Variants in PRICKLE1 observed in about 807,000 individuals in gnomAD.
PRICKLE1 encodes the protein prickle-like protein 1.
In PRICKLE1, 14 loss-of-function variants were observed where a neutral mutation model predicts 70.2. That is an observed-to-expected ratio of 0.20 (90% CI 0.13 to 0.31). The LOEUF is 0.31. Ranked by LOEUF, PRICKLE1 falls within the 10% of genes least tolerant of loss-of-function variation. PRICKLE1 has a pLI of 1.00. For missense variants in PRICKLE1, 821 were observed against 1,026.2 expected (o/e 0.80, Z 2.73); for synonymous variants, 357 against 379.9 (o/e 0.94, Z 0.70).
At position 42,553,241 on chromosome 12, in the gene PRICKLE1, G is replaced by A. The variant is rs11181551; in HGVS notation, c.-49+36224C>T. On this transcript the variant is annotated intron_variant, in intron 1 of 7. Transcript: ENST00000345127. ...GCGGATCACCTGAGGTTAGGAGATAGAGACCATCCTGGCTAACACGGTGAA... is the reference window on the plus strand; with the variant it reads ...GCGGATCACCTGAGGTTAGGAGATAAAGACCATCCTGGCTAACACGGTGAA... Among the ~76,000 whole-genome samples, 720 of 152,146 alleles carry A rather than the reference G, an allele frequency of 4.7e-3. 6 individuals are homozygous for A. Among genetic ancestry groups the A allele is most frequent in the African/African-American group, 0.016 (676 of 41,510 alleles).
chr12:42,583,321 G>A (rs1266694682), intron 1 of PRICKLE1, among the ~76,000 whole-genome samples: 1 of 152,164 alleles, frequency 6.6e-6, no homozygotes, highest in Non-Finnish European at 1.5e-5. Flanking sequence ...TGTCTGGCAA[G>A]CTAGGGTGTT....
Position 42,460,328 on chromosome 12 carries a change from G to C in PRICKLE1, c.1977C>G (p.Arg659=). ...QPPMSERTRR[R]VYNFEERGSR... ...ATCCCCTCTCTTCAAAATTGTAGAC[G>C]CGTCTCCGAGTCCTTTCACTCATCG... The change falls in exon 8 of 8, where the codon CGC becomes CGG. Residue 659 remains arginine (R), a synonymous_variant. Coordinates refer to ENST00000345127, the MANE Select transcript of PRICKLE1 (RefSeq NM_153026.3). The C allele has an allele frequency of 6.2e-7, 1 of 1,614,100 alleles. No homozygotes were observed. Among genetic ancestry groups the C allele is most frequent in the Non-Finnish European group, 8.5e-7 (1 of 1,180,014 alleles).
At chr12:42,506,492 G>A (rs1939418725) in intron 1 of PRICKLE1, among the ~76,000 whole-genome samples, 1 of 149,590 alleles carries the variant, frequency 6.7e-6, no homozygotes, top group Non-Finnish European at 1.5e-5. Flanking sequence ...CCTGACCCCA[G>A]GTGACCCACC....
Position 42,459,381 on chromosome 12 carries a change from C to A in PRICKLE1, c.*428G>T. 1 of 702,442 alleles carries A rather than the reference C, an allele frequency of 1.4e-6. No individual in the cohort carries two copies. The highest frequency in any genetic ancestry group is 2.6e-6 in the Non-Finnish European group (1 of 384,972). The allele number at this position is 702,442 out of a possible 1,614,324, so 43.5% of individuals were successfully genotyped here. A position where few individuals can be genotyped will look rare whatever the true frequency, so the allele number is the denominator to read the frequency against. On this transcript the variant is annotated 3_prime_UTR_variant, in exon 8 of 8. Coordinates refer to ENST00000345127, the MANE Select transcript of PRICKLE1 (RefSeq NM_153026.3). ...GTGTTAGCTAGGTCATCGTGACAGGCATGCCTCACACCAAGACGGACTATC... is the reference window on the plus strand; with the variant it reads ...GTGTTAGCTAGGTCATCGTGACAGGAATGCCTCACACCAAGACGGACTATC...
chr12:42,464,298 G>C lies in PRICKLE1; in HGVS notation c.1639+97C>G. 6.9e-7 allele frequency: 1 copy of C among 1,440,530 alleles called. No individual in the cohort carries two copies. Among genetic ancestry groups the C allele is most frequent in the South Asian group, 1.2e-5 (1 of 86,892 alleles). 89.2% of individuals were successfully genotyped at this position (1,440,530 alleles called of 1,614,324 possible). On this transcript the variant is annotated intron_variant, in intron 7 of 7. Coordinates refer to ENST00000345127, the MANE Select transcript of PRICKLE1 (RefSeq NM_153026.3). This position sits in a 1 kb window ranked among gnomAD's most constrained non-coding sequence, Gnocchi z 4.2. ...AGCCTCCCATAGTGCTGGAATTATA[G>C]GCATGAGCCACTGCGCCTGGCTTGA...
At chr12:42,549,743 C>T (rs1248737696) in intron 1 of PRICKLE1, among the ~76,000 whole-genome samples, 2 of 152,204 alleles carry the variant, frequency 1.3e-5, no homozygotes, top group South Asian at 2.1e-4. Flanking sequence ...GTATCATCTA[C>T]AGGATAAAAT....
At chr12:42,494,957 C>CAG (rs1223632841) in intron 1 of PRICKLE1, among the ~76,000 whole-genome samples, 1 of 149,894 alleles carries the variant, frequency 6.7e-6, no homozygotes, top group Non-Finnish European at 1.5e-5. Flanking sequence ...TGCAGTAGCG[C>CAG]CACCATAACT....
Position 42,460,254 on chromosome 12 carries a change from T to G in PRICKLE1, c.2051A>C (p.Asp684Ala). The change falls in exon 8 of 8, where the codon GAC becomes GCC. Residue 684 changes from aspartate (D) to alanine (A), a missense_variant. Asp to Ala is a moderately radical substitution (Grantham distance 126). Transcript: ENST00000345127. ...TTCTGTAACAAGATTCAGGGCATTGTCGGAGCGGGACTTTCTACTTCTCCG... is the reference window on the plus strand; with the variant it reads ...TTCTGTAACAAGATTCAGGGCATTGGCGGAGCGGGACTTTCTACTTCTCCG... ...RRRRSRKSRS[D>A]NALNLVTERK... is the part of the protein sequence containing the mutation. The G allele has an allele frequency of 6.2e-7, 1 of 1,614,210 alleles. No homozygotes were observed. Among genetic ancestry groups the G allele is most frequent in the Non-Finnish European group, 8.5e-7 (1 of 1,180,040 alleles).
At chr12:42,525,032 C>T (rs995708800) in intron 1 of PRICKLE1, 2 of 152,206 alleles carry the variant, frequency 1.3e-5, no homozygotes, top group African/African-American at 4.8e-5. Context: ...GTAGCTTCAG[C>T]TTCTAGGCTG....
At chr12:42,544,801 G>T (rs149351960) in intron 1 of PRICKLE1, among the ~76,000 whole-genome samples, 3 of 152,226 alleles carry the variant, frequency 2.0e-5, no homozygotes, top group African/African-American at 7.2e-5. Context: ...AATCACTTTT[G>T]TCTCTTTGTG....
intron 1 of PRICKLE1, among the ~76,000 whole-genome samples, chr12:42,586,198 A>G (rs1940984707): frequency 1.3e-5 from 2 of 152,208 alleles, no homozygotes; most frequent in Non-Finnish European, 2.9e-5. Context: ...TTATTGTGGA[A>G]TAATCATACA....
chr12:42,549,141 A>AG, intron 1 of PRICKLE1, among the ~76,000 whole-genome samples: 1 of 149,496 alleles, frequency 6.7e-6, no homozygotes, highest in South Asian at 2.1e-4. Context: ...AAAAAAAAAA[A>AG]AAACCTAGAT....
At chr12:42,533,955 C>T (rs191437581) in intron 1 of PRICKLE1, among the ~76,000 whole-genome samples, 315 of 152,256 alleles carry the variant, frequency 2.1e-3, no homozygotes, top group Non-Finnish European at 3.5e-3. Context: ...CACTGTCTAG[C>T]TATTCTGACA....
chr12:42,470,060 A>T (rs1266118777), intron 3 of PRICKLE1, 186 bp downstream of exon 3: 8 of 592,466 alleles, frequency 1.4e-5, no homozygotes, highest in African/African-American at 1.1e-4. Flanking sequence ...TAAGTTTATT[A>T]CACTGATACT....
chr12:42,505,685 C>T (rs535379644), intron 1 of PRICKLE1, among the ~76,000 whole-genome samples: 3 of 152,274 alleles, frequency 2.0e-5, no homozygotes, highest in South Asian at 2.1e-4. Context: ...ATCCACCTGC[C>T]TCAGCCTCCC....
intron 1 of PRICKLE1, among the ~76,000 whole-genome samples, chr12:42,564,273 GAAAAGAAA>G (rs1343324458): frequency 1.4e-5 from 1 of 70,880 alleles, no homozygotes; most frequent in African/African-American, 4.1e-5. Flanking sequence ...AAAAAAAAAA[GAAAAGAAA>G]AAAGAAAAAG....
intron 1 of PRICKLE1, among the ~76,000 whole-genome samples, chr12:42,513,395 A>AC (rs1336930173): frequency 6.6e-6 from 1 of 152,142 alleles, no homozygotes; most frequent in African/African-American, 2.4e-5. Flanking sequence ...GTACTCAATT[A>AC]ATATTTGTTA....
intron 1 of PRICKLE1, among the ~76,000 whole-genome samples, chr12:42,480,659 T>C (rs17091262): frequency 6.6e-6 from 1 of 152,228 alleles, no homozygotes; most frequent in South Asian, 2.1e-4. Flanking sequence ...GACCTTGACA[T>C]ATACATAAAT....
At chr12:42,512,750 C>T (rs533134399) in intron 1 of PRICKLE1, among the ~76,000 whole-genome samples, 13 of 150,624 alleles carry the variant, frequency 8.6e-5, no homozygotes, top group East Asian at 2.0e-4. Context: ...CTCTGCCTCC[C>T]GGGTTCAAAT....
Sources: gnomAD v4.1 joint callset for allele counts (sites outside exome capture counted in the v4.1 genomes callset) on GRCh38, gnomAD v4.1.1 for gene constraint, Gnocchi (gnomAD v3.1) non-coding constraint, MANE v1.5 for transcripts, NCBI Gene and HGNC (gene_info 2026-07-23, HGNC 2026-07-21) for gene names.